The following MYH13 variants were observed in gnomAD, a reference collection of about 807,000 sequenced individuals.
MYH13 encodes myosin-13.
MYH13 carries 177 observed loss-of-function variants against 232.1 expected under a neutral mutation model. That is an observed-to-expected ratio of 0.76 (90% CI 0.67 to 0.86). MYH13 has a LOEUF of 0.86. MYH13 is among the 40% of genes least tolerant of loss of function. The pLI, the probability that MYH13 is intolerant of heterozygous loss-of-function variation, is 0.00. For missense variants in MYH13, 2,246 were observed against 2,405.9 expected, an observed-to-expected ratio of 0.93 and a Z score of 1.39; for synonymous variants, 884 against 923.5, an observed-to-expected ratio of 0.96 and a Z score of 0.78.
At position 10,346,753 on chromosome 17, in the gene MYH13, A is replaced by G. The variant is rs1364897494; in HGVS notation, c.1190T>C (p.Met397Thr). The change falls in exon 13 of 41, where the codon ATG (methionine) becomes ACG (threonine). Residue 397 changes from methionine to threonine, a missense_variant. Physicochemically the swap from Met to Thr is moderately conservative, Grantham distance 81 (BLOSUM62 -1). Coordinates refer to ENST00000252172, the MANE Select transcript of MYH13 (RefSeq NM_003802.3). ...CCTTGGACAGCACAGGCCCTTCAGC[A>G]TTTCTGCAGAATTCAGTCCCATCAG... ...GYLMGLNSAEMLKGLCCPRVK... is the reference protein window; with the variant it reads ...GYLMGLNSAETLKGLCCPRVK... 7 of 1,613,896 alleles carry G rather than the reference A, an allele frequency of 4.3e-6. No homozygotes were observed. Among genetic ancestry groups the G allele is most frequent in the Non-Finnish European group, 4.2e-6 (5 of 1,179,884 alleles).
intron 2 of MYH13, among the ~76,000 whole-genome samples, chr17:10,370,368 C>G (rs2071868872): frequency 6.6e-6 from 1 of 152,156 alleles, no homozygotes; most frequent in Non-Finnish European, 1.5e-5. Flanking sequence ...AGATCTGACC[C>G]AAGTCTCTAG....
rs199949513 is a variant in MYH13, at chr17:10,309,701, G to C, written c.4786C>G (p.Arg1596Gly). The C allele has an allele frequency of 6.2e-6, 10 of 1,606,586 alleles. No homozygotes were observed. Among genetic ancestry groups the C allele is most frequent in the South Asian group, 1.1e-5 (1 of 89,618 alleles). Reference sequence around the variant, plus strand: ...ACGCTCTGCAGGGCCTCTGCTGCCCGCTGGCTGTTTCTTTTTAGCTGCTCG... The same window carrying C: ...ACGCTCTGCAGGGCCTCTGCTGCCCCCTGGCTGTTTCTTTTTAGCTGCTCG... ...EIEQLKRNSQRAAEALQSVLD... is the reference protein window; with the variant it reads ...EIEQLKRNSQGAAEALQSVLD... Residue 1596 changes from arginine to glycine, a missense_variant, in exon 34 of 41, where the codon CGG becomes GGG. Coordinates refer to ENST00000252172, the MANE Select transcript of MYH13 (RefSeq NM_003802.3).
intron 24 of MYH13, among the ~76,000 whole-genome samples, chr17:10,320,823 G>A (rs1597376836): frequency 6.6e-6 from 1 of 152,324 alleles, no homozygotes; most frequent in East Asian, 1.9e-4. Flanking sequence ...AATACAAATG[G>A]GGGCTTCTGT....
intron 11 of MYH13, 48 bp from the exon 12 acceptor site, chr17:10,350,742 T>TA (rs1330815538): frequency 1.2e-6 from 2 of 1,610,358 alleles, no homozygotes; most frequent in Admixed American, 1.7e-5. Flanking sequence ...CAGGGATCCA[T>TA]ATGCAGCCTT....
intron 7 of MYH13, among the ~76,000 whole-genome samples, chr17:10,359,409 A>C (rs979066675): frequency 6.6e-6 from 1 of 152,204 alleles, no homozygotes; most frequent in Non-Finnish European, 1.5e-5. Flanking sequence ...TGTCACCTGC[A>C]GAGACCCTGC....
chr17:10,347,672 A>G (rs1258343631), intron 12 of MYH13, among the ~76,000 whole-genome samples: 1 of 150,772 alleles, frequency 6.6e-6, no homozygotes, highest in African/African-American at 2.4e-5. Flanking sequence ...CATTGAGCTC[A>G]TCAAAAAGGC....
chr17:10,322,528 C>T (rs1273233473), intron 23 of MYH13, among the ~76,000 whole-genome samples: 1 of 152,008 alleles, frequency 6.6e-6, no homozygotes, highest in Non-Finnish European at 1.5e-5. Context: ...AACAGGCTTC[C>T]AGATCAGAAG....
intron 29 of MYH13, among the ~76,000 whole-genome samples, chr17:10,314,824 G>A (rs1450939985): frequency 3.9e-5 from 6 of 152,192 alleles, no homozygotes; most frequent in Admixed American, 3.9e-4. Flanking sequence ...TAGGTACAGT[G>A]GGGACAAACT....
chr17:10,364,913 T>C (rs1384730698), intron 2 of MYH13, among the ~76,000 whole-genome samples: 2 of 152,056 alleles, frequency 1.3e-5, no homozygotes, highest in African/African-American at 2.4e-5. Flanking sequence ...TTTGCTCCTG[T>C]CACCCAGGCT....
chr17:10,352,705 T>C (rs2142266402), intron 11 of MYH13, among the ~76,000 whole-genome samples: 1 of 152,198 alleles, frequency 6.6e-6, no homozygotes, highest in East Asian at 1.9e-4. Context: ...CTTTTAGAAT[T>C]CCTTAGGTGG....
rs1906349367 is a variant in MYH13 at position 10,308,018 on chromosome 17, A to G, written c.5170-954T>C. On this transcript the variant is annotated intron_variant, in intron 35 of 40. Coordinates refer to ENST00000252172, the MANE Select transcript of MYH13 (RefSeq NM_003802.3). ...CTACTTTTCTGTCATTAAAAATCAT[A>G]TAGAAGACTATTTAAAGATGTCGAA... Among the ~76,000 whole-genome samples the G allele has an allele frequency of 1.3e-5, 2 of 152,212 alleles. 1 individual carries two copies. Among genetic ancestry groups the G allele is most frequent in the African/African-American group, 4.8e-5 (2 of 41,464 alleles).
chr17:10,356,013 G>A (rs552619060), intron 8 of MYH13, among the ~76,000 whole-genome samples: 2 of 152,048 alleles, frequency 1.3e-5, no homozygotes, highest in Non-Finnish European at 2.9e-5. Flanking sequence ...GGTCTAGGTG[G>A]CCCACTTTCT....
intron 13 of MYH13, 64 bp downstream of exon 13, chr17:10,346,616 C>A (rs749877207): frequency 6.8e-6 from 9 of 1,319,880 alleles, no homozygotes; most frequent in South Asian, 1.3e-5. Flanking sequence ...ACTGAAGGAG[C>A]TTTAAGATAA....
In MYH13 at chr17:10,309,748, A is replaced by G; in HGVS notation, c.4739T>C (p.Val1580Ala). The G allele has an allele frequency of 6.2e-7, 1 of 1,601,864 alleles. No individual in the cohort carries two copies. The highest frequency in any genetic ancestry group is 8.5e-7 in the Non-Finnish European group (1 of 1,174,146). Residue 1580 changes from valine (V) to alanine (A), a missense_variant, in exon 34 of 41, where the codon GTC becomes GCC. Physicochemically the swap from Val to Ala is moderately conservative, Grantham distance 64. Transcript: ENST00000252172. The part of the protein sequence containing the change: ...SQVKSELDRK[V>A]IEKDEEIEQL... The stretch of plus-strand genomic sequence containing the variant: ...CTCGATTTCTTCATCCTTCTCAATG[A>G]CCTTGCGGTCTAGCTCGGATTTCAC...
At chr17:10,311,250 A>T in intron 32 of MYH13, 23 bp from the exon 33 acceptor site, 2 of 1,613,300 alleles carry the variant, frequency 1.2e-6, no homozygotes, top group Admixed American at 1.7e-5. Context: ...GGCTTGATTT[A>T]GGCTGTTTCA....
At chr17:10,357,692 G>T (rs1391730652) in intron 8 of MYH13, 43 bp downstream of exon 8, 1 of 1,558,316 alleles carries the variant, frequency 6.4e-7, no homozygotes, top group Non-Finnish European at 8.8e-7. Context: ...TCAGGAGAGG[G>T]TATGCTTTTG....
intron 5 of MYH13, among the ~76,000 whole-genome samples, chr17:10,360,429 C>T (rs936025973): frequency 6.6e-6 from 1 of 152,086 alleles, no homozygotes; most frequent in African/African-American, 2.4e-5. Flanking sequence ...TAGTGAATCC[C>T]ACAGTGTAGA....
At chr17:10,344,729 G>A (rs565440628) in intron 15 of MYH13, among the ~76,000 whole-genome samples, 1 of 150,880 alleles carries the variant, frequency 6.6e-6, no homozygotes, top group South Asian at 2.1e-4. Flanking sequence ...GTGGAGGCAG[G>A]AGGATCGCTT....
rs1457854479 is a variant in MYH13, at chr17:10,313,267, T to C, written c.4072A>G (p.Lys1358Glu). Residue 1358 changes from lysine to glutamate, a missense_variant, in exon 30 of 41, where the codon AAG (lysine) becomes GAG (glutamate). Lys to Glu is a moderately conservative substitution (Grantham distance 56). Coordinates refer to ENST00000252172, the MANE Select transcript of MYH13 (RefSeq NM_003802.3). ...REQYEEEQEAKAELQRALSKA... is the reference protein window; with the variant it reads ...REQYEEEQEAEAELQRALSKA... ...GACAGCGCCCTCTGCAGCTCGGCCT[T>C]GGCTTCCTGCTCCTCCTCATACTGT... The C allele has an allele frequency of 1.2e-6, 2 of 1,614,106 alleles. No homozygotes were observed. The highest frequency in any genetic ancestry group is 3.3e-5 in the Admixed American group (2 of 60,010).
Sources: allele counts gnomAD v4.1 joint callset (sites outside exome capture counted in the v4.1 genomes callset), GRCh38; gene constraint gnomAD v4.1.1; transcripts MANE v1.5; gene names NCBI Gene and HGNC (gene_info 2026-07-23, HGNC 2026-07-21).